The following RASSF3 variants were observed in gnomAD, a reference collection of about 807,000 sequenced individuals.
The protein encoded by RASSF3 is Ras association domain family member 3.
Under a neutral mutation model 19.9 loss-of-function variants are expected in RASSF3, and 19 were observed. That is an observed-to-expected ratio of 0.96 (90% CI 0.67 to 1.40). The LOEUF (loss-of-function observed/expected upper bound fraction) is 1.40. RASSF3 is among the 40% of genes most tolerant of loss of function. The probability of loss-of-function intolerance (pLI) is 0.00; values close to 1 mark genes in which losing one functional copy is unlikely to be tolerated. For synonymous variants in RASSF3, 110 were observed against 104.2 expected (o/e 1.06, Z -0.34); for missense variants, 306 against 289.8 (o/e 1.06, Z -0.41).
At chr12:64,565,273 A>T (rs1182234106) in intron 2 of RASSF3, among the ~76,000 whole-genome samples, 2 of 151,822 alleles carry the variant, frequency 1.3e-5, no homozygotes, top group African/African-American at 4.8e-5. Flanking sequence ...CCAATTACTG[A>T]TACCTAAAGG....
downstream of RASSF3, among the ~76,000 whole-genome samples, chr12:64,544,094 G>A (rs567103005): frequency 5.9e-5 from 9 of 152,004 alleles, no homozygotes; most frequent in South Asian, 2.1e-4. Context: ...GTCCCGTTCC[G>A]CACAGTTCTT....
intron 1 of RASSF3, among the ~76,000 whole-genome samples, chr12:64,633,772 A>G (rs1356509811): frequency 6.6e-6 from 1 of 152,168 alleles, no homozygotes; most frequent in Non-Finnish European, 1.5e-5. Context: ...TGGAGGGGTC[A>G]GAAGAAGACA....
intron 2 of RASSF3, among the ~76,000 whole-genome samples, chr12:64,585,203 G>C (rs537410520): frequency 3.9e-5 from 6 of 152,094 alleles, no homozygotes; most frequent in African/African-American, 1.2e-4. Flanking sequence ...TCTTAAATGT[G>C]AACCAGATTA....
chr12:64,554,006 A>G (rs2136122449), intron 2 of RASSF3, among the ~76,000 whole-genome samples: 1 of 151,798 alleles, frequency 6.6e-6, no homozygotes, highest in Non-Finnish European at 1.5e-5. Context: ...AAGAAAAAAA[A>G]AAGTTGTCTG....
intron 1 of RASSF3, among the ~76,000 whole-genome samples, chr12:64,634,884 T>C (rs565258825): frequency 2.6e-5 from 4 of 151,824 alleles, no homozygotes; most frequent in Non-Finnish European, 5.9e-5. Context: ...AGACATGTTA[T>C]GACAAGTTAG....
At chr12:64,671,419 T>C (rs1278919063) in intron 1 of RASSF3, among the ~76,000 whole-genome samples, 1 of 152,118 alleles carries the variant, frequency 6.6e-6, no homozygotes, top group Non-Finnish European at 1.5e-5. Context: ...TGTTCACTCC[T>C]TACTCACTCT....
chr12:64,645,324 C>T (rs986152744), intron 1 of RASSF3, among the ~76,000 whole-genome samples: 6 of 152,094 alleles, frequency 3.9e-5, no homozygotes, highest in Non-Finnish European at 7.4e-5. Context: ...TTATCACCCT[C>T]ATTTATAGGA....
intron 2 of RASSF3, among the ~76,000 whole-genome samples, chr12:64,554,338 C>G (rs1240464923): frequency 4.6e-5 from 7 of 152,070 alleles, no homozygotes; most frequent in Non-Finnish European, 1.0e-4. Flanking sequence ...GAGTTTCACT[C>G]TTGTCGCCCA....
chr12:64,512,982 G>C (rs1375012117), intron 1 of RASSF3, among the ~76,000 whole-genome samples: 3 of 152,142 alleles, frequency 2.0e-5, no homozygotes, highest in Non-Finnish European at 4.4e-5. Context: ...AAGTGAAGCT[G>C]TCCCAACTGC....
chr12:64,675,271 G>A (rs140472309), intron 1 of RASSF3, among the ~76,000 whole-genome samples: 115 of 152,022 alleles, frequency 7.6e-4, no homozygotes, highest in African/African-American at 2.6e-3. Context: ...ATTAAAAGTC[G>A]CTTAAGGTTT....
intron 1 of RASSF3, among the ~76,000 whole-genome samples, chr12:64,669,606 C>T (rs1872631285): frequency 6.6e-6 from 1 of 151,996 alleles, no homozygotes; most frequent in African/African-American, 2.4e-5. Flanking sequence ...TGCTTCACAT[C>T]AGCCTTGTAC....
chr12:64,602,318 C>A (rs924143357), intron 2 of RASSF3, among the ~76,000 whole-genome samples: 4 of 148,058 alleles, frequency 2.7e-5, no homozygotes, highest in African/African-American at 9.9e-5. Flanking sequence ...TGGTGGCTCA[C>A]GCCTGTAATC....
intron 1 of RASSF3, among the ~76,000 whole-genome samples, chr12:64,526,509 CT>C (rs1224461172): frequency 6.6e-6 from 1 of 151,872 alleles, no homozygotes; most frequent in East Asian, 1.9e-4. Context: ...CTTTCTACCT[CT>C]GTGAGTACAA....
At chr12:64,564,593 G>T (rs111419338) in intron 2 of RASSF3, among the ~76,000 whole-genome samples, 8,909 of 152,026 alleles carry the variant, frequency 0.059, 329 homozygotes, top group South Asian at 0.13. Flanking sequence ...TGTTGGTCAG[G>T]CTGGTCTCAA....
In RASSF3 at chr12:64,667,484, G is replaced by T. The variant is rs111796033; in HGVS notation, c.112-17303G>T. On this transcript the variant is annotated intron_variant, in intron 1 of 4. Transcript: ENST00000542104. ...TGGGATTACAGGTGTGAGCCACTGC[G>T]CCCGGCCTATTTTCTTTCTATTACA... 3.7e-3 allele frequency among the ~76,000 whole-genome samples: 560 copies of T among 152,234 alleles called. 4 individuals carry two copies. Among genetic ancestry groups the T allele is most frequent in the African/African-American group, 0.013 (529 of 41,540 alleles).
intron 1 of RASSF3, among the ~76,000 whole-genome samples, chr12:64,619,012 T>C (rs1454550413): frequency 6.6e-6 from 1 of 152,262 alleles, no homozygotes; most frequent in Non-Finnish European, 1.5e-5. Flanking sequence ...ATATTTGAGT[T>C]AAGTAAATTT....
upstream of RASSF3, among the ~76,000 whole-genome samples, chr12:64,609,883 C>T (rs1478161661): frequency 1.3e-5 from 2 of 152,186 alleles, no homozygotes; most frequent in African/African-American, 2.4e-5. Context: ...AGGGTAAGAC[C>T]GAAGCTCAAA....
At position 64,685,012 on chromosome 12, in the gene RASSF3, G is replaced by C; in HGVS notation, c.219+118G>C. The C allele has an allele frequency of 6.2e-6, 4 of 647,454 alleles. No homozygotes were observed. The South Asian group carries it at 7.2e-5, about 12-fold the overall frequency. 40.1% of individuals were successfully genotyped at this position (647,454 alleles called of 1,614,324 possible). On this transcript the variant is annotated intron_variant, in intron 2 of 4. Transcript: ENST00000542104. ...GCATTTGTAGAAGTGTAGTAGTCAAGGTATACAGAACAGGAAAGTGGAATA... is the reference window on the plus strand; with the variant it reads ...GCATTTGTAGAAGTGTAGTAGTCAACGTATACAGAACAGGAAAGTGGAATA...
rs372849551 is a variant in RASSF3 at position 64,694,930 on chromosome 12, G to T, written c.*18G>T. The T allele has an allele frequency of 6.2e-7, 1 of 1,612,380 alleles. No individual in the cohort carries two copies. The highest frequency in any genetic ancestry group is 8.5e-7 in the Non-Finnish European group (1 of 1,179,546). On this transcript the variant is annotated 3_prime_UTR_variant, in exon 5 of 5. Transcript: ENST00000542104. ...CTGATTAAAGCGGGGCTCCCTGCCC[G>T]TGAGGCCCGGTGCAGGACCGATGTA...
Sources: allele counts gnomAD v4.1 joint callset (sites outside exome capture counted in the v4.1 genomes callset), GRCh38; gene constraint gnomAD v4.1.1; transcripts MANE v1.5; gene names NCBI Gene and HGNC (gene_info 2026-07-23, HGNC 2026-07-21).